The following SNX8 variants were observed in gnomAD, a reference collection of about 807,000 sequenced individuals.
SNX8 encodes sorting nexin 8.
In SNX8, 25 loss-of-function variants were observed where a neutral mutation model predicts 51.6. That is an observed-to-expected ratio of 0.48 (90% CI 0.35 to 0.68). SNX8 has a LOEUF of 0.68. Ranked by LOEUF, SNX8 falls within the 30% of genes least tolerant of loss-of-function variation. SNX8 has a pLI of 0.00. For missense variants in SNX8, 695 were observed against 624.0 expected, an observed-to-expected ratio of 1.11 and a Z score of -1.21; for synonymous variants, 324 against 277.0, an observed-to-expected ratio of 1.17 and a Z score of -1.68.
At chr7:2,283,100 G>A (rs565596924) in intron 1 of SNX8, among the ~76,000 whole-genome samples, 5 of 150,814 alleles carry the variant, frequency 3.3e-5, no homozygotes, top group African/African-American at 1.2e-4. Flanking sequence ...CAGCCTGGGC[G>A]ACAAAACCAG....
At chr7:2,338,756 T>A (rs1778873456) in intron 1 of SNX8, among the ~76,000 whole-genome samples, 1 of 152,098 alleles carries the variant, frequency 6.6e-6, no homozygotes, top group Non-Finnish European at 1.5e-5. Flanking sequence ...TTCAGCAGGA[T>A]TTTTTGATTC....
intron 1 of SNX8, among the ~76,000 whole-genome samples, chr7:2,312,855 C>A (rs1200459319): frequency 6.6e-6 from 1 of 152,044 alleles, no homozygotes; most frequent in Non-Finnish European, 1.5e-5. Context: ...AAATAAGGGG[C>A]ACCCTCCTGT....
chr7:2,320,285 G>A (rs1331003215), intron 1 of SNX8, among the ~76,000 whole-genome samples: 1 of 152,072 alleles, frequency 6.6e-6, no homozygotes, highest in East Asian at 1.9e-4. Context: ...AACCTGGGAG[G>A]CGGAGGTTGT....
At chr7:2,292,206 T>C (rs1796166238) in intron 1 of SNX8, among the ~76,000 whole-genome samples, 1 of 151,854 alleles carries the variant, frequency 6.6e-6, no homozygotes, top group South Asian at 2.1e-4. Context: ...GAGGTTGCAG[T>C]GAGCCAAGAT....
chr7:2,287,982 CTG>C (rs2115160385), intron 1 of SNX8: 1 of 149,710 alleles, frequency 6.7e-6, no homozygotes, highest in East Asian at 1.9e-4. Context: ...GTGTGGCTGA[CTG>C]TGCTTTTGAA....
In SNX8 at chr7:2,278,125, T is replaced by C. The variant is rs1385151830; in HGVS notation, c.275A>G (p.His92Arg). 6.2e-7 allele frequency: 1 copy of C among 1,614,098 alleles called. No homozygotes were observed. The highest frequency in any genetic ancestry group is 8.5e-7 in the Non-Finnish European group (1 of 1,179,974). Residue 92 changes from histidine to arginine, a missense_variant, in exon 2 of 11, where the codon CAT (histidine) becomes CGT (arginine). Coordinates refer to ENST00000222990, the MANE Select transcript of SNX8 (RefSeq NM_013321.4). ...CTGGCTGGAAACCTCATACTCCACA[T>C]GCTTCAGGAAGAGGCCCTTCTTCTC... is the stretch of plus-strand genomic sequence containing the variant. ...IPEKKGLFLK[H>R]VEYEVSSQRF...
chr7:2,260,227 A>C (rs1436985628), intron 7 of SNX8, among the ~76,000 whole-genome samples: 1 of 152,100 alleles, frequency 6.6e-6, no homozygotes, highest in Non-Finnish European at 1.5e-5. Flanking sequence ...CCTCCCGAGT[A>C]GCTGAGATTA....
At chr7:2,324,293 C>CTTT (rs370841279) in intron 1 of SNX8, among the ~76,000 whole-genome samples, 2 of 137,484 alleles carry the variant, frequency 1.5e-5, no homozygotes, top group Non-Finnish European at 3.1e-5. Flanking sequence ...TTCTTTCTTT[C>CTTT]TTTTTTTTTT....
upstream of SNX8, among the ~76,000 whole-genome samples, chr7:2,316,361 TCA>T (rs1472900196): frequency 7.2e-6 from 1 of 138,444 alleles, no homozygotes; most frequent in African/African-American, 2.8e-5. Flanking sequence ...ATTCATTCAC[TCA>T]CTCACTCACT....
intron 1 of SNX8, among the ~76,000 whole-genome samples, chr7:2,326,674 AT>A (rs1245013830): frequency 3.3e-5 from 5 of 151,116 alleles, no homozygotes; most frequent in South Asian, 2.1e-4. Context: ...TCAAAAAAAA[AT>A]AATAATAATT....
At chr7:2,342,191 T>C (rs1157880909) in intron 1 of SNX8, among the ~76,000 whole-genome samples, 1 of 150,194 alleles carries the variant, frequency 6.7e-6, no homozygotes, top group Non-Finnish European at 1.5e-5. Context: ...AAAAAAATAA[T>C]AATAAATAAT....
At chr7:2,306,820 C>A (rs550682887) in intron 1 of SNX8, among the ~76,000 whole-genome samples, 1 of 152,118 alleles carries the variant, frequency 6.6e-6, no homozygotes, top group East Asian at 1.9e-4. Context: ...ACAACAACAG[C>A]GCATTACTGG....
intron 1 of SNX8, among the ~76,000 whole-genome samples, chr7:2,291,399 A>ACCAGCATGG (rs1174830780): frequency 6.6e-6 from 1 of 152,122 alleles, no homozygotes; most frequent in Non-Finnish European, 1.5e-5. Flanking sequence ...GGAGTTCGAG[A>ACCAGCATGG]CCAGCATGGC....
chr7:2,306,489 AT>A lies in SNX8; in HGVS notation c.94+7838del, dbSNP rs376230900. Among the ~76,000 whole-genome samples, 206 of 152,174 alleles carry A rather than the reference AT, an allele frequency of 1.4e-3. 2 individuals carry two copies. Among genetic ancestry groups the A allele is most frequent in the African/African-American group, 4.4e-3 (182 of 41,530 alleles). On this transcript the variant is annotated intron_variant, in intron 1 of 10. Transcript: ENST00000222990. Reference sequence around the variant, plus strand: ...TGTGGCAAGAATATCTCTAACTGAAATTTTTTTTAACTGAAATTTTATCATA... The same window carrying A: ...TGTGGCAAGAATATCTCTAACTGAAATTTTTTTAACTGAAATTTTATCATA...
chr7:2,294,840 C>T (rs1026867889), intron 1 of SNX8, among the ~76,000 whole-genome samples: 1 of 151,844 alleles, frequency 6.6e-6, no homozygotes, highest in Non-Finnish European at 1.5e-5. Flanking sequence ...TGGAGACCAG[C>T]CCGGGGAACA....
chr7:2,339,826 A>T (rs1432219611), intron 1 of SNX8, among the ~76,000 whole-genome samples: 2 of 152,126 alleles, frequency 1.3e-5, no homozygotes, highest in Non-Finnish European at 1.5e-5. Context: ...ACGTAGATTT[A>T]TTTTTAAAAA....
At chr7:2,348,338 C>CTTTTTT (rs59761780) in intron 1 of SNX8, among the ~76,000 whole-genome samples, 2 of 93,676 alleles carry the variant, frequency 2.1e-5, no homozygotes, top group African/African-American at 3.9e-5. Flanking sequence ...TTCTTTCTTT[C>CTTTTTT]TTTTTTTTTT....
upstream of SNX8, among the ~76,000 whole-genome samples, chr7:2,318,843 C>T (rs1796793158): frequency 7.9e-6 from 1 of 125,960 alleles, no homozygotes; most frequent in South Asian, 2.4e-4. Context: ...GAGACCCCAT[C>T]TCTAAAAAAA....
chr7:2,257,217 G>A (rs1403494069), intron 9 of SNX8, 148 bp downstream of exon 9: 3 of 1,143,364 alleles, frequency 2.6e-6, no homozygotes, highest in Non-Finnish European at 2.4e-6. Flanking sequence ...CTGGGCACGC[G>A]GGCCAGCTCC....
Sources: allele counts gnomAD v4.1 joint callset (sites outside exome capture counted in the v4.1 genomes callset), GRCh38; gene constraint gnomAD v4.1.1; transcripts MANE v1.5; gene names NCBI Gene and HGNC (gene_info 2026-07-23, HGNC 2026-07-21).